Variants in SCEL observed in about 807,000 individuals in gnomAD.
SCEL encodes the protein sciellin.
Under a neutral mutation model 117.6 loss-of-function variants are expected in SCEL, and 113 were observed. The ratio of observed to expected loss-of-function variants is 0.96; its 90% CI spans 0.83 to 1.12. SCEL has a LOEUF of 1.12. SCEL is among the 50% of genes most tolerant of loss of function. The pLI is 0.00. For synonymous variants in SCEL, 270 were observed against 256.2 expected, an observed-to-expected ratio of 1.05 and a Z score of -0.51; for missense variants, 785 against 810.8, an observed-to-expected ratio of 0.97 and a Z score of 0.39.
intron 27 of SCEL, among the ~76,000 whole-genome samples, chr13:77,625,615 T>G (rs1363984434): frequency 6.6e-6 from 1 of 152,196 alleles, no homozygotes; most frequent in Non-Finnish European, 1.5e-5. Context: ...AAGTATGCAG[T>G]TAGTGTTTTA....
At chr13:77,611,830 C>T (rs73229096) in intron 22 of SCEL, among the ~76,000 whole-genome samples, 1,742 of 152,184 alleles carry the variant, frequency 0.011, 21 homozygotes, top group Non-Finnish European at 0.018. Context: ...TATGATCATG[C>T]TCGTGAAACA....
intron 1 of SCEL, among the ~76,000 whole-genome samples, chr13:77,543,010 A>T (rs903871152): frequency 9.3e-5 from 14 of 150,898 alleles, no homozygotes; most frequent in African/African-American, 3.4e-4. Flanking sequence ...AGTGAATACC[A>T]CCAGGGCAAT....
chr13:77,545,864 G>A (rs949553998), intron 1 of SCEL, among the ~76,000 whole-genome samples: 2 of 152,232 alleles, frequency 1.3e-5, no homozygotes, highest in African/African-American at 4.8e-5. Flanking sequence ...CACTGATTTG[G>A]CAGCTTGCAT....
At chr13:77,620,090 G>A (rs1003611505) in intron 27 of SCEL, among the ~76,000 whole-genome samples, 2 of 152,190 alleles carry the variant, frequency 1.3e-5, no homozygotes, top group Admixed American at 1.3e-4. Context: ...TGGCTATCGT[G>A]TGGTTTTAAG....
Position 77,556,613 on chromosome 13 carries a change from C to A in SCEL, c.61C>A (p.Gln21Lys). ...PTGNEMKSTT[Q>K]GTTRKQQDFH... ...GTTGATAGAGATGAAGAGCACCACT[C>A]AGGGAACCACACGGAAGCAGCAGGA... The change falls in exon 3 of 33, where the codon CAG (glutamine) becomes AAG (lysine). Residue 21 changes from glutamine (Q) to lysine (K), a missense_variant. Gln to Lys is a moderately conservative substitution (Grantham distance 53). Transcript: ENST00000349847. 1 of 1,613,788 alleles carries A rather than the reference C, an allele frequency of 6.2e-7. No individual in the cohort carries two copies. Among genetic ancestry groups the A allele is most frequent in the Non-Finnish European group, 8.5e-7 (1 of 1,179,728 alleles).
chr13:77,588,656 A>G (rs531344980), intron 9 of SCEL, among the ~76,000 whole-genome samples: 1 of 152,322 alleles, frequency 6.6e-6, no homozygotes, highest in East Asian at 1.9e-4. Context: ...TGTGCTGACA[A>G]TATTTAAGTC....
chr13:77,633,479 A>G (rs1184284170), intron 28 of SCEL, among the ~76,000 whole-genome samples: 2 of 148,724 alleles, frequency 1.3e-5, no homozygotes, highest in Non-Finnish European at 3.0e-5. Context: ...AGCCAGGCAA[A>G]CACAAAGAGA....
At chr13:77,628,587 T>C (rs2089882819) in intron 28 of SCEL, among the ~76,000 whole-genome samples, 1 of 152,154 alleles carries the variant, frequency 6.6e-6, no homozygotes, top group African/African-American at 2.4e-5. Flanking sequence ...ACAGACTGTA[T>C]ACTTCAGGAA....
intron 27 of SCEL, among the ~76,000 whole-genome samples, chr13:77,620,328 G>A (rs554684919): frequency 1.6e-4 from 25 of 152,276 alleles, no homozygotes; most frequent in Middle Eastern, 3.4e-3. Context: ...CTATAAAGGA[G>A]AGTATTTTAA....
At chr13:77,629,491 T>C (rs1032616033) in intron 28 of SCEL, among the ~76,000 whole-genome samples, 2 of 152,166 alleles carry the variant, frequency 1.3e-5, no homozygotes, top group East Asian at 1.9e-4. Context: ...GAAAATCTGC[T>C]AAACTGAAAG....
intron 1 of SCEL, among the ~76,000 whole-genome samples, chr13:77,553,450 A>G (rs1480958247): frequency 6.6e-6 from 1 of 152,146 alleles, no homozygotes; most frequent in African/African-American, 2.4e-5. Context: ...AAAAAAATAT[A>G]TCAGAGCCCA....
intron 1 of SCEL, among the ~76,000 whole-genome samples, chr13:77,547,587 G>C (rs1437778545): frequency 6.6e-6 from 1 of 152,188 alleles, no homozygotes; most frequent in Non-Finnish European, 1.5e-5. Context: ...TAGGTACCAT[G>C]CTGGGATGGC....
chr13:77,589,864 T>A (rs1053664203), intron 10 of SCEL, among the ~76,000 whole-genome samples: 1 of 152,176 alleles, frequency 6.6e-6, no homozygotes, highest in Admixed American at 6.6e-5. Context: ...TAATTAATAC[T>A]TGGAAACAAA....
chr13:77,596,265 G>A (rs957102104), intron 12 of SCEL, among the ~76,000 whole-genome samples: 7 of 151,948 alleles, frequency 4.6e-5, no homozygotes, highest in Non-Finnish European at 1.0e-4. Context: ...CCTGGGAGGC[G>A]GAGGTTGCAG....
chr13:77,632,014 TAC>T (rs1215827862), intron 28 of SCEL, among the ~76,000 whole-genome samples: 1 of 152,240 alleles, frequency 6.6e-6, no homozygotes, highest in African/African-American at 2.4e-5. Context: ...CTTTCCTCTG[TAC>T]ACAGAAGGTA....
intron 1 of SCEL, among the ~76,000 whole-genome samples, chr13:77,538,430 T>A (rs1275962314): frequency 6.6e-6 from 1 of 152,154 alleles, no homozygotes; most frequent in African/African-American, 2.4e-5. Context: ...TCAAAAGTCT[T>A]TATCAGTTAT....
intron 27 of SCEL, among the ~76,000 whole-genome samples, chr13:77,627,610 A>G (rs983443016): frequency 6.6e-6 from 1 of 152,102 alleles, no homozygotes; most frequent in Non-Finnish European, 1.5e-5. Context: ...TAAATCACAC[A>G]TACCCTGAAA....
intron 1 of SCEL, among the ~76,000 whole-genome samples, chr13:77,547,103 G>C (rs2084033866): frequency 6.6e-6 from 1 of 152,116 alleles, no homozygotes; most frequent in South Asian, 2.1e-4. Flanking sequence ...ATCATTGTCT[G>C]CCATGAGTCC....
At chr13:77,624,513 G>T (rs896945988) in intron 27 of SCEL, among the ~76,000 whole-genome samples, 1 of 152,098 alleles carries the variant, frequency 6.6e-6, no homozygotes, top group Non-Finnish European at 1.5e-5. Context: ...CTCTGAGGAC[G>T]CTTATCTCTA....
Sources: allele counts gnomAD v4.1 joint callset (sites outside exome capture counted in the v4.1 genomes callset), GRCh38; gene constraint gnomAD v4.1.1; transcripts MANE v1.5; gene names NCBI Gene and HGNC (gene_info 2026-07-23, HGNC 2026-07-21).